Variants in RAPGEF4 observed in about 807,000 individuals in gnomAD.
RAPGEF4 encodes the protein RAP guanine-nucleotide-exchange factor (GEF) 4.
RAPGEF4 carries 66 observed loss-of-function variants against 147.9 expected under a neutral mutation model. The ratio of observed to expected loss-of-function variants is 0.45; its 90% CI spans 0.37 to 0.55. RAPGEF4 has a LOEUF of 0.55. Among genes scored for constraint, RAPGEF4 ranks in the 20% least tolerant of loss-of-function variants. The pLI is 0.00. For synonymous variants in RAPGEF4, 419 were observed against 442.7 expected (o/e 0.95, Z 0.67); for missense variants, 1,071 against 1,257.3 (o/e 0.85, Z 2.24).
At chr2:172,856,937 T>A (rs1306597830) in intron 4 of RAPGEF4, among the ~76,000 whole-genome samples, 2 of 152,034 alleles carry the variant, frequency 1.3e-5, no homozygotes, top group Admixed American at 1.3e-4. Flanking sequence ...GGGTAATTTA[T>A]CAAGTGCCAT....
At chr2:172,741,847 A>T (rs952374704) in intron 1 of RAPGEF4, among the ~76,000 whole-genome samples, 3 of 152,022 alleles carry the variant, frequency 2.0e-5, no homozygotes, top group East Asian at 1.9e-4. Context: ...AATTTTAAAA[A>T]TTTTTTGTAG....
Position 172,800,992 on chromosome 2 carries a change from G to A in RAPGEF4, c.297+3379G>A, listed in dbSNP as rs151231891. On this transcript the variant is annotated intron_variant, in intron 3 of 30. Transcript: ENST00000397081. The stretch of plus-strand genomic sequence containing the variant: ...GAGAGACCTAGAATTCCTACCCCTA[G>A]AGACCAGAAAAGATCATTGCTAAGT... Among the ~76,000 whole-genome samples the A allele has an allele frequency of 5.1e-4, 77 of 152,284 alleles. 1 individual carries two copies. Among genetic ancestry groups the A allele is most frequent in the African/African-American group, 1.8e-3 (73 of 41,568 alleles).
chr2:172,927,599 C>T (rs1032213904), intron 6 of RAPGEF4, among the ~76,000 whole-genome samples: 9 of 151,920 alleles, frequency 5.9e-5, no homozygotes, highest in East Asian at 1.9e-4. Context: ...CGTACCACTG[C>T]ACTCCAGCCT....
intron 4 of RAPGEF4, among the ~76,000 whole-genome samples, chr2:172,817,232 A>G (rs1238750073): frequency 6.6e-6 from 1 of 152,196 alleles, no homozygotes; most frequent in Non-Finnish European, 1.5e-5. Context: ...AGGGGCTTCT[A>G]TTCCGCTCAG....
intron 1 of RAPGEF4, among the ~76,000 whole-genome samples, chr2:172,748,430 C>T (rs1694965283): frequency 6.6e-6 from 1 of 152,200 alleles, no homozygotes; most frequent in African/African-American, 2.4e-5. Context: ...ACATTAGTGG[C>T]AGGCAAGGGA....
intron 26 of RAPGEF4, among the ~76,000 whole-genome samples, chr2:173,030,916 C>T (rs1418549183): frequency 6.6e-6 from 1 of 152,136 alleles, no homozygotes; most frequent in Non-Finnish European, 1.5e-5. Flanking sequence ...TAGCTTTGTA[C>T]TCAAAATGTG....
At chr2:173,007,524 G>A (rs74620629) in intron 17 of RAPGEF4, among the ~76,000 whole-genome samples, 1 of 152,158 alleles carries the variant, frequency 6.6e-6, no homozygotes, top group Non-Finnish European at 1.5e-5. Context: ...AGAAGAATCA[G>A]TAATAACATT....
chr2:173,031,636 C>T (rs1036460754), intron 26 of RAPGEF4, among the ~76,000 whole-genome samples: 1 of 152,200 alleles, frequency 6.6e-6, no homozygotes, highest in African/African-American at 2.4e-5. Context: ...TCTCTGAACC[C>T]TCTTTCCCAG....
At chr2:172,806,446 G>C (rs1372759673) in intron 3 of RAPGEF4, among the ~76,000 whole-genome samples, 1 of 152,176 alleles carries the variant, frequency 6.6e-6, no homozygotes, top group East Asian at 1.9e-4. Flanking sequence ...TAGCTTACTT[G>C]TAAATTGGGG....
At chr2:172,914,999 T>C (rs1182473360) in intron 4 of RAPGEF4, among the ~76,000 whole-genome samples, 1 of 152,264 alleles carries the variant, frequency 6.6e-6, no homozygotes, top group South Asian at 2.1e-4. Flanking sequence ...AATTTTCTGA[T>C]ACAGGTTTTA....
chr2:172,792,544 G>A (rs900572636), intron 1 of RAPGEF4, among the ~76,000 whole-genome samples: 8 of 152,290 alleles, frequency 5.3e-5, no homozygotes, highest in African/African-American at 1.9e-4. Context: ...GTAGGGGTTT[G>A]TTGGGAGGCC....
intron 3 of RAPGEF4, among the ~76,000 whole-genome samples, 163 bp from the exon 4 acceptor site, chr2:172,814,116 C>G (rs534762140): frequency 6.6e-6 from 1 of 152,250 alleles, no homozygotes; most frequent in South Asian, 2.1e-4. Flanking sequence ...CTGTCTTGAT[C>G]TGGTTGGTAA....
In RAPGEF4 at chr2:173,018,637, T is replaced by G. The variant is rs753633015; in HGVS notation, c.2009-19T>G. 3 of 1,599,682 alleles carry G rather than the reference T, an allele frequency of 1.9e-6. No homozygotes were observed. Among genetic ancestry groups the G allele is most frequent in the Non-Finnish European group, 2.6e-6 (3 of 1,172,208 alleles). ...AACTCTTAAGAGTGATTTACTACCT[T>G]GTTACTGCCTTTGGATAGTTCTGTT... On this transcript the variant is annotated intron_variant, in intron 21 of 30. Transcript: ENST00000397081.
At chr2:173,012,133 T>G (rs1391461557) in intron 17 of RAPGEF4, among the ~76,000 whole-genome samples, 2 of 152,212 alleles carry the variant, frequency 1.3e-5, no homozygotes, top group African/African-American at 4.8e-5. Flanking sequence ...TTTTTCACAG[T>G]ACAAGGCCAT....
intron 30 of RAPGEF4, among the ~76,000 whole-genome samples, chr2:173,048,915 G>T (rs958440537): frequency 1.3e-5 from 2 of 152,144 alleles, no homozygotes; most frequent in African/African-American, 4.8e-5. Context: ...GATTTAATTT[G>T]CTCTATCCAG....
chr2:173,027,112 A>G lies in RAPGEF4; in HGVS notation c.2411A>G (p.His804Arg). Residue 804 changes from histidine (H) to arginine (R), a missense_variant, in exon 25 of 31, where the codon CAT becomes CGT. His to Arg is a conservative substitution (Grantham distance 29). Transcript: ENST00000397081. ...CTAATCTATCACACATTTGGAAGGC[A>G]TAATTTTAAAAAGACCACAGCAAAC... is the stretch of plus-strand genomic sequence containing the variant. The part of the protein sequence containing the change: ...LELIYHTFGR[H>R]NFKKTTANLD... 2 of 1,608,360 alleles carry G rather than the reference A, an allele frequency of 1.2e-6. No individual in the cohort carries two copies. Among genetic ancestry groups the G allele is most frequent in the Non-Finnish European group, 1.7e-6 (2 of 1,178,558 alleles).
Position 173,027,271 on chromosome 2 carries a change from T to C in RAPGEF4, c.2558+12T>C, listed in dbSNP as rs1346541205. On this transcript the variant is annotated intron_variant, in intron 25 of 30. Coordinates refer to ENST00000397081, the MANE Select transcript of RAPGEF4 (RefSeq NM_007023.4). Reference sequence around the variant, plus strand: ...AAGATAGCAGCCCAGTAAGTATATTTAGCTTGGAAAGAGAAAAAAAAATGT... The same window carrying C: ...AAGATAGCAGCCCAGTAAGTATATTCAGCTTGGAAAGAGAAAAAAAAATGT... 4 of 1,557,278 alleles carry C rather than the reference T, an allele frequency of 2.6e-6. No homozygotes were observed. The South Asian group carries it at 3.6e-5, about 14-fold the overall frequency.
chr2:172,962,009 G>A (rs550163737), intron 8 of RAPGEF4, among the ~76,000 whole-genome samples: 53 of 152,310 alleles, frequency 3.5e-4, no homozygotes, highest in Non-Finnish European at 5.7e-4. Context: ...AGAAATGACA[G>A]AGATAAAGGC....
chr2:172,883,993 G>A (rs996070493), intron 4 of RAPGEF4, among the ~76,000 whole-genome samples: 1 of 152,144 alleles, frequency 6.6e-6, no homozygotes, highest in Admixed American at 6.5e-5. Flanking sequence ...CATGGAGTTG[G>A]GACAGCAGCT....
Sources: allele counts gnomAD v4.1 joint callset (sites outside exome capture counted in the v4.1 genomes callset), GRCh38; gene constraint gnomAD v4.1.1; transcripts MANE v1.5; gene names NCBI Gene and HGNC (gene_info 2026-07-23, HGNC 2026-07-21).